The following SLC39A12 variants were observed in gnomAD, a reference collection of about 807,000 sequenced individuals.
The protein encoded by SLC39A12 is solute carrier family 39 member 12.
A neutral mutation model predicts 71.1 loss-of-function variants in SLC39A12; 63 were observed. That is an observed-to-expected ratio of 0.89 (90% CI 0.72 to 1.09). The LOEUF is 1.09. Among genes scored for constraint, SLC39A12 ranks in the 50% least tolerant of loss-of-function variants. SLC39A12 has a pLI of 0.00. For synonymous variants in SLC39A12, 351 were observed against 301.3 expected, an observed-to-expected ratio of 1.16 and a Z score of -1.71; for missense variants, 892 against 812.6, an observed-to-expected ratio of 1.10 and a Z score of -1.19.
chr10:18,029,800 A>T (rs1260905838), intron 12 of SLC39A12, among the ~76,000 whole-genome samples: 1 of 151,408 alleles, frequency 6.6e-6, no homozygotes, highest in African/African-American at 2.4e-5. Context: ...CAAAAATTTT[A>T]AATTTCTAAC....
At chr10:18,029,242 T>C (rs1220147233) in intron 12 of SLC39A12, among the ~76,000 whole-genome samples, 1 of 152,118 alleles carries the variant, frequency 6.6e-6, no homozygotes, top group East Asian at 1.9e-4. Context: ...TCCTAAGCAG[T>C]TTTCAATTAG....
chr10:17,970,930 C>G (rs140074205), intron 4 of SLC39A12, among the ~76,000 whole-genome samples: 1 of 152,006 alleles, frequency 6.6e-6, no homozygotes, highest in Non-Finnish European at 1.5e-5. Flanking sequence ...ATGATACTAG[C>G]TCTGAGTCTA....
intron 2 of SLC39A12, among the ~76,000 whole-genome samples, chr10:17,960,512 A>G (rs1834660846): frequency 6.6e-6 from 1 of 152,198 alleles, no homozygotes; most frequent in Admixed American, 6.5e-5. Flanking sequence ...GTCATTTGTA[A>G]AATTTTTATA....
At chr10:17,972,146 T>A (rs1834990626) in intron 4 of SLC39A12, among the ~76,000 whole-genome samples, 1 of 152,228 alleles carries the variant, frequency 6.6e-6, no homozygotes, top group Non-Finnish European at 1.5e-5. Context: ...TTTTCAAAAA[T>A]TCCTCTTGTT....
chr10:18,036,782 A>ATTTTTTTTTT (rs1564665979), intron 12 of SLC39A12, among the ~76,000 whole-genome samples: 4 of 7,266 alleles, frequency 5.5e-4, no homozygotes, highest in African/African-American at 2.5e-3. Context: ...ATATATATAT[A>ATTTTTTTTTT]TATATATATA....
intron 11 of SLC39A12, chr10:18,002,380 TC>T (rs2130845413): frequency 6.6e-6 from 1 of 152,380 alleles, no homozygotes; most frequent in South Asian, 2.1e-4. Context: ...CTGGAAGCCA[TC>T]CCCTATCTGT....
At chr10:18,014,899 T>G (rs944674684) in intron 12 of SLC39A12, among the ~76,000 whole-genome samples, 4 of 152,160 alleles carry the variant, frequency 2.6e-5, no homozygotes, top group Non-Finnish European at 5.9e-5. Flanking sequence ...GGACAACCTA[T>G]GTATGGTTTC....
intron 12 of SLC39A12, among the ~76,000 whole-genome samples, chr10:18,034,777 G>A (rs560157604): frequency 1.0e-4 from 15 of 150,340 alleles, no homozygotes; most frequent in Admixed American, 4.0e-4. Flanking sequence ...ATTTTGCAGC[G>A]GCTGGTACCG....
At chr10:17,986,180 G>A (rs1331244008) in intron 6 of SLC39A12, among the ~76,000 whole-genome samples, 1 of 152,198 alleles carries the variant, frequency 6.6e-6, no homozygotes, top group African/African-American at 2.4e-5. Flanking sequence ...ATTATTGCTA[G>A]TGTCTGTCTG....
chr10:18,041,772 CATATGTATATACATATGTGTCT>C (rs1178496420), intron 12 of SLC39A12, among the ~76,000 whole-genome samples: 25 of 134,324 alleles, frequency 1.9e-4, no homozygotes, highest in African/African-American at 5.8e-4. Context: ...CATATGTATA[CATATGTATATACATATGTGTCT>C]ATATGTATAT....
intron 11 of SLC39A12, chr10:18,002,429 C>G (rs1333672163): frequency 1.3e-5 from 2 of 152,264 alleles, no homozygotes; most frequent in East Asian, 3.9e-4. Context: ...GATGTAGCCC[C>G]CAGTCCTCAA....
intron 2 of SLC39A12, among the ~76,000 whole-genome samples, chr10:17,960,007 T>G (rs1239645353): frequency 3.9e-5 from 6 of 152,126 alleles, no homozygotes; most frequent in Non-Finnish European, 8.8e-5. Flanking sequence ...ATAGAAAAAG[T>G]GAAAACTCCA....
intron 12 of SLC39A12, among the ~76,000 whole-genome samples, chr10:18,039,651 C>T (rs1307900286): frequency 6.6e-6 from 1 of 151,984 alleles, no homozygotes; most frequent in Non-Finnish European, 1.5e-5. Context: ...TTGCTTGAGC[C>T]CAGGAGTTCA....
intron 12 of SLC39A12, among the ~76,000 whole-genome samples, chr10:18,035,900 C>T (rs1836992324): frequency 6.6e-6 from 1 of 152,068 alleles, no homozygotes; most frequent in Admixed American, 6.6e-5. Context: ...TGTTGGAATA[C>T]CCTGCCGTGT....
At chr10:17,964,299 A>G (rs1347844433) in intron 3 of SLC39A12, among the ~76,000 whole-genome samples, 1 of 152,178 alleles carries the variant, frequency 6.6e-6, no homozygotes, top group East Asian at 1.9e-4. Flanking sequence ...TTGGTAACTG[A>G]TTCTTAGCCT....
chr10:17,985,333 A>G (rs1361590267), intron 6 of SLC39A12, among the ~76,000 whole-genome samples: 1 of 152,166 alleles, frequency 6.6e-6, no homozygotes, highest in Non-Finnish European at 1.5e-5. Context: ...AAAGAGCAAG[A>G]CTGTCTCAAA....
intron 3 of SLC39A12, among the ~76,000 whole-genome samples, chr10:17,963,248 A>G (rs1345066317): frequency 6.6e-6 from 1 of 152,210 alleles, no homozygotes; most frequent in Non-Finnish European, 1.5e-5. Context: ...AGGCGTGCCT[A>G]CATATAATTT....
chr10:18,010,146 G>A (rs1407137166), intron 12 of SLC39A12, among the ~76,000 whole-genome samples: 1 of 151,944 alleles, frequency 6.6e-6, no homozygotes, highest in African/African-American at 2.4e-5. Context: ...CTTTATCAGA[G>A]AAATCTAGAC....
chr10:18,020,199 T>G (rs1836492604), intron 12 of SLC39A12, among the ~76,000 whole-genome samples: 1 of 152,082 alleles, frequency 6.6e-6, no homozygotes, highest in South Asian at 2.1e-4. Flanking sequence ...ATTTCCCCCT[T>G]ATAAGTGAGA....
Sources: gnomAD v4.1 joint callset for allele counts (sites outside exome capture counted in the v4.1 genomes callset) on GRCh38, gnomAD v4.1.1 for gene constraint, MANE v1.5 for transcripts, NCBI Gene and HGNC (gene_info 2026-07-23, HGNC 2026-07-21) for gene names.